SMG7: variants seen among roughly 807,000 people sequenced by gnomAD.
SMG7 encodes nonsense-mediated mRNA decay factor SMG7.
Under a neutral mutation model 148.2 loss-of-function variants are expected in SMG7, and 34 were observed. The observed-to-expected ratio is 0.23, with a 90% confidence interval of 0.17 to 0.31. The LOEUF (loss-of-function observed/expected upper bound fraction) is 0.31, where lower values mean the gene tolerates loss of function less well. Among genes scored for constraint, SMG7 ranks in the 10% least tolerant of loss-of-function variants. SMG7 has a pLI of 1.00. For missense variants in SMG7, 1,114 were observed against 1,408.4 expected, an observed-to-expected ratio of 0.79 and a Z score of 3.35; for synonymous variants, 492 against 515.1, an observed-to-expected ratio of 0.96 and a Z score of 0.61.
chr1:183,483,230 C>T (rs1193537159), intron 1 of SMG7, among the ~76,000 whole-genome samples: 1 of 152,026 alleles, frequency 6.6e-6, no homozygotes, highest in Non-Finnish European at 1.5e-5. Context: ...TTTTTCTTTC[C>T]TTCTCCTTCC....
chr1:183,477,452 A>ATATGTGTATATATGCATATATACATG (rs1652580314), intron 1 of SMG7, among the ~76,000 whole-genome samples: 1 of 147,548 alleles, frequency 6.8e-6, no homozygotes, highest in Admixed American at 6.8e-5. Context: ...ACATATATAC[A>ATATGTGTATATATGCATATATACATG]TGTGTGCATA....
intron 3 of SMG7, among the ~76,000 whole-genome samples, chr1:183,516,261 A>G (rs965306202): frequency 1.3e-5 from 2 of 152,094 alleles, no homozygotes; most frequent in African/African-American, 4.8e-5. Context: ...AAATATATCT[A>G]TTTCAAATAC....
At position 183,554,183 on chromosome 1, in the gene SMG7, C is replaced by T. The variant is rs1037752981; in HGVS notation, c.*2252C>T. Reference sequence around the variant, plus strand: ...TTTGCCTTTAATTAAACCATGTTCTCTCCAACCAGATCTGTGTATCGATTC... The same window carrying T: ...TTTGCCTTTAATTAAACCATGTTCTTTCCAACCAGATCTGTGTATCGATTC... On this transcript the variant is annotated 3_prime_UTR_variant, in exon 23 of 23. Coordinates refer to ENST00000688051, the MANE Select transcript of SMG7 (RefSeq NM_001375584.1). The T allele has an allele frequency of 2.6e-5, 4 of 152,600 alleles. No individual in the cohort carries two copies. The highest frequency in any genetic ancestry group is 2.9e-5 in the Non-Finnish European group (2 of 68,038). 9.5% of individuals were successfully genotyped at this position (152,600 alleles called of 1,614,324 possible).
Position 183,546,261 on chromosome 1 carries a change from A to G in SMG7, c.2666A>G (p.Asn889Ser), listed in dbSNP as rs762451188. Residue 889 changes from asparagine (N) to serine (S), a missense_variant, in exon 17 of 23, where the codon AAC becomes AGC. Physicochemically the swap from Asn to Ser is conservative, Grantham distance 46. Transcript: ENST00000688051. ...AGATCTGTAATGGCACAGCAAGCAA[A>G]CATAGACCGCAGGGGCAAACGGTCA... The part of the protein sequence containing the change: ...DNRSVMAQQA[N>S]IDRRGKRSPG... The G allele has an allele frequency of 6.2e-7, 1 of 1,614,068 alleles. No homozygotes were observed. Among genetic ancestry groups the G allele is most frequent in the Non-Finnish European group, 8.5e-7 (1 of 1,179,952 alleles).
chr1:183,544,839 TC>T (rs1186367825), intron 15 of SMG7, 90 bp from the exon 16 acceptor site: 5 of 1,286,630 alleles, frequency 3.9e-6, no homozygotes, highest in Non-Finnish European at 5.4e-6. Flanking sequence ...GTTAGAAGAC[TC>T]CCTCTACCTA....
At chr1:183,509,316 T>C (rs1470086346) in intron 1 of SMG7, among the ~76,000 whole-genome samples, 1 of 152,256 alleles carries the variant, frequency 6.6e-6, no homozygotes, top group Non-Finnish European at 1.5e-5. Flanking sequence ...TTAGGCTAAC[T>C]GACTTAAATG....
chr1:183,490,861 C>G (rs1489746851), intron 1 of SMG7, among the ~76,000 whole-genome samples: 2 of 152,192 alleles, frequency 1.3e-5, no homozygotes, highest in Non-Finnish European at 2.9e-5. Context: ...TCTTGGTGCA[C>G]TGCAACCTCT....
chr1:183,513,165 G>GA (rs1166168308), intron 2 of SMG7: 5 of 285,804 alleles, frequency 1.7e-5, no homozygotes, highest in South Asian at 1.3e-4. Flanking sequence ...AAGACATACA[G>GA]AAAAAATAAC....
At chr1:183,488,181 C>A (rs1413522621) in intron 1 of SMG7, among the ~76,000 whole-genome samples, 2 of 152,146 alleles carry the variant, frequency 1.3e-5, no homozygotes, top group Non-Finnish European at 2.9e-5. Flanking sequence ...GTACTTTTGC[C>A]TTTCAAATGG....
At chr1:183,540,123 C>T (rs1241834969) in intron 12 of SMG7, among the ~76,000 whole-genome samples, 1 of 152,120 alleles carries the variant, frequency 6.6e-6, no homozygotes, top group Non-Finnish European at 1.5e-5. Context: ...TTCCTCCACA[C>T]CTTTGTTCAT....
intron 1 of SMG7, among the ~76,000 whole-genome samples, chr1:183,510,496 A>G (rs1033021870): frequency 1.3e-5 from 2 of 152,124 alleles, no homozygotes; most frequent in Non-Finnish European, 2.9e-5. Flanking sequence ...GTTACATTTT[A>G]CGACTAAGTG....
intron 1 of SMG7, among the ~76,000 whole-genome samples, chr1:183,490,636 T>C (rs1656715350): frequency 6.6e-6 from 1 of 152,200 alleles, no homozygotes; most frequent in Non-Finnish European, 1.5e-5. Context: ...CATATACAGA[T>C]AATGCATTTT....
chr1:183,509,494 G>A (rs990786485), intron 1 of SMG7, among the ~76,000 whole-genome samples: 6 of 151,978 alleles, frequency 3.9e-5, no homozygotes, highest in African/African-American at 9.7e-5. Flanking sequence ...TTTACATCTC[G>A]GAGCTTCAGT....
intron 1 of SMG7, among the ~76,000 whole-genome samples, chr1:183,494,325 A>G (rs2102241199): frequency 6.7e-6 from 1 of 149,816 alleles, no homozygotes; most frequent in Non-Finnish European, 1.5e-5. Context: ...CAGCTTCTAT[A>G]TTTGTTTTAA....
chr1:183,521,365 G>C (rs1195420339), intron 4 of SMG7, among the ~76,000 whole-genome samples: 1 of 152,088 alleles, frequency 6.6e-6, no homozygotes, highest in African/African-American at 2.4e-5. Context: ...TCCCCTAAGT[G>C]CTGGGATTAC....
Position 183,549,228 on chromosome 1 carries a change from C to G in SMG7, c.2913C>G (p.Pro971=), listed in dbSNP as rs140632242. ...TGAAGAAATCCTTATTGGAGAAGCCCTCAGAGCTCATGTCACATTCATCCT... is the reference window on the plus strand; with the variant it reads ...TGAAGAAATCCTTATTGGAGAAGCCGTCAGAGCTCATGTCACATTCATCCT... ...RSLFKSLLEK[P]SELMSHSSSF... is the part of the protein sequence containing the mutation. The change falls in exon 19 of 23, where the codon CCC becomes CCG. Residue 971 remains proline (P), a synonymous_variant. Coordinates refer to ENST00000688051, the MANE Select transcript of SMG7 (RefSeq NM_001375584.1). 1.9e-6 allele frequency: 3 copies of G among 1,613,446 alleles called. No homozygotes were observed. Among genetic ancestry groups the G allele is most frequent in the African/African-American group, 2.7e-5 (2 of 74,870 alleles).
intron 14 of SMG7, among the ~76,000 whole-genome samples, chr1:183,542,753 A>G (rs552348720): frequency 2.2e-4 from 33 of 152,290 alleles, no homozygotes; most frequent in Non-Finnish European, 4.4e-4. Flanking sequence ...GCAGTTTGAA[A>G]GGATTAGTTG....
intron 16 of SMG7, 25 bp downstream of exon 16, chr1:183,545,337 C>G (rs760274872): frequency 6.3e-7 from 1 of 1,589,336 alleles, no homozygotes; most frequent in South Asian, 1.1e-5. Context: ...TGTGTACTAT[C>G]CAGCTGAATG....
intron 1 of SMG7, among the ~76,000 whole-genome samples, chr1:183,506,107 C>T (rs1289431036): frequency 6.6e-6 from 1 of 152,166 alleles, no homozygotes; most frequent in Non-Finnish European, 1.5e-5. Context: ...ACTAGCTTAG[C>T]TTTGCTTTTT....
Sources: allele counts gnomAD v4.1 joint callset (sites outside exome capture counted in the v4.1 genomes callset), GRCh38; gene constraint gnomAD v4.1.1; transcripts MANE v1.5; gene names NCBI Gene and HGNC (gene_info 2026-07-23, HGNC 2026-07-21).